SPAST: variants seen among roughly 807,000 people sequenced by gnomAD.
The protein encoded by SPAST is spastin, also known as spastic paraplegia 4 (autosomal dominant; spastin).
A neutral mutation model predicts 76.6 loss-of-function variants in SPAST; 30 were observed. That is an observed-to-expected ratio of 0.39 (90% CI 0.29 to 0.53). The LOEUF (loss-of-function observed/expected upper bound fraction) is 0.53, where lower values mean the gene tolerates loss of function less well. Ranked by LOEUF, SPAST falls within the 20% of genes least tolerant of loss-of-function variation. The probability of loss-of-function intolerance (pLI) is 0.68; values close to 1 mark genes in which losing one functional copy is unlikely to be tolerated. For synonymous variants in SPAST, 305 were observed against 281.0 expected, an observed-to-expected ratio of 1.09 and a Z score of -0.86; for missense variants, 717 against 770.5, an observed-to-expected ratio of 0.93 and a Z score of 0.82.
chr2:32,139,005 G>C (rs1330618446), intron 12 of SPAST, among the ~76,000 whole-genome samples: 1 of 152,060 alleles, frequency 6.6e-6, no homozygotes, highest in East Asian at 1.9e-4. Context: ...TTTCTGTCCT[G>C]TTCCTTTGGT....
Position 32,063,613 on chromosome 2 carries a change from C to T in SPAST, c.-219C>T, listed in dbSNP as rs1676369983. The T allele has an allele frequency of 1.7e-6, 1 of 584,584 alleles. No individual in the cohort carries two copies. The highest frequency in any genetic ancestry group is 3.4e-5 in the Admixed American group (1 of 29,654). 36.2% of individuals were successfully genotyped at this position (584,584 alleles called of 1,614,324 possible). A position where few individuals can be genotyped will look rare whatever the true frequency, so the allele number is the denominator to read the frequency against. ...GAGGACAGCGACAGGAAGGGAGGGG[C>T]CCGAGCCACCGACTGCAGGAGGAGA... On this transcript the variant is annotated 5_prime_UTR_variant, in exon 1 of 17. Transcript: ENST00000315285.
intron 4 of SPAST, among the ~76,000 whole-genome samples, chr2:32,105,309 A>G (rs1229709582): frequency 6.6e-6 from 1 of 152,140 alleles, no homozygotes; most frequent in Non-Finnish European, 1.5e-5. Flanking sequence ...CCATCAGGCC[A>G]TTTAAGGTCT....
chr2:32,114,800 C>G lies in SPAST; in HGVS notation c.845C>G (p.Ser282Cys), dbSNP rs1230337524. Residue 282 changes from serine to cysteine, a missense_variant, in exon 5 of 17, where the codon TCT becomes TGT. Around this residue, in one of 3 missense-constraint regions of SPAST, gnomAD observed 543 missense variants for 445.2 expected, o/e 1.22. Coordinates refer to ENST00000315285, the MANE Select transcript of SPAST (RefSeq NM_014946.4). ...LSMVSGVKQG[S>C]GPAPTTHKGT... ...ATGGTTTCTGGAGTGAAACAGGGAT[C>G]TGGTCCTGCTCCTACCACTCATAAG... is the stretch of plus-strand genomic sequence containing the variant. 1 of 1,613,940 alleles carries G rather than the reference C, an allele frequency of 6.2e-7. No individual in the cohort carries two copies. The highest frequency in any genetic ancestry group is 8.5e-7 in the Non-Finnish European group (1 of 1,179,954).
At chr2:32,077,358 A>G (rs1677005807) in intron 1 of SPAST, among the ~76,000 whole-genome samples, 1 of 152,224 alleles carries the variant, frequency 6.6e-6, no homozygotes, top group South Asian at 2.1e-4. Context: ...TGTCAGGAAC[A>G]TACAACTGTG....
At chr2:32,088,903 T>C (rs1161834290) in intron 2 of SPAST, among the ~76,000 whole-genome samples, 1 of 152,164 alleles carries the variant, frequency 6.6e-6, no homozygotes, top group East Asian at 1.9e-4. Context: ...TGGATAGCAT[T>C]AGTAAGTTAG....
chr2:32,098,094 T>G (rs970507260), intron 3 of SPAST, among the ~76,000 whole-genome samples: 2 of 152,168 alleles, frequency 1.3e-5, no homozygotes, highest in African/African-American at 4.8e-5. Context: ...ATGCAGTCTT[T>G]TAAAAAATCT....
At chr2:32,133,475 C>T (rs1197004633) in intron 9 of SPAST, among the ~76,000 whole-genome samples, 1 of 152,122 alleles carries the variant, frequency 6.6e-6, no homozygotes, top group African/African-American at 2.4e-5. Flanking sequence ...TGCCTTTGAA[C>T]TTTATATAAA....
intron 1 of SPAST, among the ~76,000 whole-genome samples, chr2:32,078,437 A>G (rs891480870): frequency 1.3e-5 from 2 of 152,040 alleles, no homozygotes; most frequent in East Asian, 3.9e-4. Flanking sequence ...TAGCCTCCCA[A>G]AGTGCTGGGA....
At chr2:32,069,551 C>CTTTTTTTTTTTT (rs36023742) in intron 1 of SPAST, among the ~76,000 whole-genome samples, 1 of 139,630 alleles carries the variant, frequency 7.2e-6, no homozygotes, top group Non-Finnish European at 1.5e-5. Flanking sequence ...CATGACTTAT[C>CTTTTTTTTTTTT]TTTTTTTTTT....
chr2:32,063,971 A>C lies in SPAST; in HGVS notation c.140A>C (p.Lys47Thr). Reference sequence around the variant, plus strand: ...GCCCCTCCGCCCGAGTCGCCGCATAAGCGGAACCTGTACTATTTCTCCTAC... The same window carrying C: ...GCCCCTCCGCCCGAGTCGCCGCATACGCGGAACCTGTACTATTTCTCCTAC... ...GPAPPPESPH[K>T]RNLYYFSYPL... is the part of the protein sequence containing the mutation. Residue 47 changes from lysine to threonine, a missense_variant, in exon 1 of 17, where the codon AAG becomes ACG. Coordinates refer to ENST00000315285, the MANE Select transcript of SPAST (RefSeq NM_014946.4). 6.2e-7 allele frequency: 1 copy of C among 1,612,992 alleles called. No homozygotes were observed. Among genetic ancestry groups the C allele is most frequent in the South Asian group, 1.1e-5 (1 of 90,996 alleles).
intron 1 of SPAST, chr2:32,078,036 G>C (rs1423312197): frequency 6.6e-6 from 1 of 151,988 alleles, no homozygotes; most frequent in Non-Finnish European, 1.5e-5. Context: ...TGTCGCCCAG[G>C]CTGGAGTGCA....
intron 1 of SPAST, among the ~76,000 whole-genome samples, chr2:32,067,912 C>T (rs974216025): frequency 1.3e-5 from 2 of 150,690 alleles, no homozygotes. Flanking sequence ...ATGCATATTT[C>T]ATACTCTTCC....
At chr2:32,067,450 T>G (rs927051350) in intron 1 of SPAST, among the ~76,000 whole-genome samples, 1 of 151,910 alleles carries the variant, frequency 6.6e-6, no homozygotes, top group Non-Finnish European at 1.5e-5. Context: ...GCATGAAAAA[T>G]AAAAGACCCT....
rs2148762782 is a variant in SPAST, at chr2:32,147,229, G to A, written c.1699G>A (p.Glu567Lys). ...TTTATGTTTTACAGAACTAAAACCA[G>A]AACAGGTGAAGAATATGTCTGCCAG... ...ALGPIRELKP[E>K]QVKNMSASEM... The change falls in exon 16 of 17, where the codon GAA becomes AAA. Residue 567 changes from glutamate to lysine, a missense_variant. Coordinates refer to ENST00000315285, the MANE Select transcript of SPAST (RefSeq NM_014946.4). The A allele has an allele frequency of 1.2e-6, 2 of 1,607,166 alleles. No individual in the cohort carries two copies. The highest frequency in any genetic ancestry group is 1.7e-6 in the Non-Finnish European group (2 of 1,174,756).
intron 1 of SPAST, chr2:32,077,940 C>T (rs1047918961): frequency 6.6e-6 from 1 of 151,350 alleles, no homozygotes; most frequent in African/African-American, 2.4e-5. Context: ...CGAGACTAGC[C>T]TGGGTATGCA....
chr2:32,124,824 A>T (rs1475177278), intron 7 of SPAST, among the ~76,000 whole-genome samples: 2 of 152,226 alleles, frequency 1.3e-5, no homozygotes, highest in East Asian at 3.8e-4. Context: ...TGACTATATG[A>T]TGTTTTGGAA....
chr2:32,112,670 T>TA (rs1175165873), intron 4 of SPAST, among the ~76,000 whole-genome samples: 1 of 152,058 alleles, frequency 6.6e-6, no homozygotes, highest in Non-Finnish European at 1.5e-5. Flanking sequence ...TTTTTTTTTT[T>TA]AACTTGAATT....
intron 1 of SPAST, among the ~76,000 whole-genome samples, chr2:32,083,772 A>G (rs1277963112): frequency 2.0e-5 from 1 of 51,190 alleles, no homozygotes; most frequent in African/African-American, 7.3e-5. Flanking sequence ...ATATATATAT[A>G]TATATTTTTT....
At chr2:32,143,713 C>G (rs2148759771) in intron 14 of SPAST, among the ~76,000 whole-genome samples, 1 of 152,018 alleles carries the variant, frequency 6.6e-6, no homozygotes, top group East Asian at 1.9e-4. Flanking sequence ...ACATTTACAC[C>G]TTAGGCAACA....
Sources: gnomAD v4.1 joint callset for allele counts (sites outside exome capture counted in the v4.1 genomes callset) on GRCh38, gnomAD v4.1.1 for gene constraint, gnomAD v4.1.1 regional missense constraint, MANE v1.5 for transcripts, NCBI Gene and HGNC (gene_info 2026-07-23, HGNC 2026-07-21) for gene names.